PCDHGA2: variants seen among roughly 807,000 people sequenced by gnomAD.
PCDHGA2 encodes protocadherin gamma-A2.
PCDHGA2 carries 40 observed loss-of-function variants against 59.2 expected under a neutral mutation model. The observed-to-expected ratio is 0.68, with a 90% CI of 0.52 to 0.88. PCDHGA2 has a LOEUF of 0.88. Among genes scored for constraint, PCDHGA2 ranks in the 40% least tolerant of loss-of-function variants. PCDHGA2 has a pLI of 0.00. For missense variants in PCDHGA2, 1,226 were observed against 1,204.0 expected (o/e 1.02, Z -0.27); for synonymous variants, 560 against 526.0 (o/e 1.06, Z -0.89).
chr5:141,453,214 A>T (rs1174586625), intron 1 of PCDHGA2, among the ~76,000 whole-genome samples: 2 of 152,058 alleles, frequency 1.3e-5, no homozygotes, highest in African/African-American at 4.8e-5. Flanking sequence ...CGTGCACTTA[A>T]GCGATCCTCC....
At chr5:141,396,656 G>A (rs6580187) in intron 1 of PCDHGA2, 27,943 of 151,880 alleles carry the variant, frequency 0.18, 3,100 homozygotes, top group African/African-American at 0.31. Flanking sequence ...GTAAAAACTC[G>A]GTATAGGCTA....
Position 141,485,418 on chromosome 5 carries a change from G to A in PCDHGA2, c.2425-9389G>A. ...CACTTCCGTGTGGATTTGGACAGCG[G>A]AGCCCTGCTCATCAAGAACCCAATC... On this transcript the variant is annotated intron_variant, in intron 1 of 3. Transcript: ENST00000394576. This position sits in a 1 kb window ranked among gnomAD's most constrained non-coding sequence, Gnocchi z 5.7. 6.2e-7 allele frequency: 1 copy of A among 1,614,174 alleles called. No homozygotes were observed. The highest frequency in any genetic ancestry group is 8.5e-7 in the Non-Finnish European group (1 of 1,180,042).
rs764976894 is a variant in PCDHGA2, at chr5:141,476,238, G to T, written c.2425-18569G>T. On this transcript the variant is annotated intron_variant, in intron 1 of 3. Transcript: ENST00000394576. The surrounding 1 kb of genome is among the most constrained non-coding windows in gnomAD (Gnocchi z 7.6). ...ATTCACTATGAGATCCCGGAGGAAA[G>T]AGAGAAGGGTTTCGCTGTGGGCAAC... is the stretch of plus-strand genomic sequence containing the variant. The T allele has an allele frequency of 3.1e-6, 5 of 1,614,098 alleles. No individual in the cohort carries two copies. The highest frequency in any genetic ancestry group is 4.2e-6 in the Non-Finnish European group (5 of 1,180,012).
rs149920059 is a variant in PCDHGA2 at position 141,409,848 on chromosome 5, G to A, written c.2424+68453G>A. 8,006 of 1,612,024 alleles carry A rather than the reference G, an allele frequency of 5.0e-3. 45 individuals are homozygous for A. The highest frequency in any genetic ancestry group is 9.5e-3 in the Admixed American group (567 of 59,794). On this transcript the variant is annotated intron_variant, in intron 1 of 3. Transcript: ENST00000394576. ...ACGCTCAGCGCCAACGTGAGCCTGC[G>A]CGTGTTGGTGGGAGACCGCAATGAC... is the stretch of plus-strand genomic sequence containing the variant.
At chr5:141,366,593 C>T in intron 1 of PCDHGA2, 1 of 1,614,248 alleles carries the variant, frequency 6.2e-7, no homozygotes, top group Non-Finnish European at 8.5e-7. Flanking sequence ...GACCTATTCC[C>T]ACGAGGTCTC....
At position 141,486,616 on chromosome 5, in the gene PCDHGA2, C is replaced by T. The variant is rs759167270; in HGVS notation, c.2425-8191C>T. On this transcript the variant is annotated intron_variant, in intron 1 of 3. Coordinates refer to ENST00000394576, the MANE Select transcript of PCDHGA2 (RefSeq NM_018915.4). The surrounding 1 kb of genome is among the most constrained non-coding windows in gnomAD (Gnocchi z 5.0). ...TGCTTTGCTCCCTTGCAGCCTCTGA[C>T]CCAGACTCTGGCTTGAATGCGCTTA... is the stretch of plus-strand genomic sequence containing the variant. 2 of 1,613,500 alleles carry T rather than the reference C, an allele frequency of 1.2e-6. No individual in the cohort carries two copies. The highest frequency in any genetic ancestry group is 3.3e-5 in the Admixed American group (2 of 60,004).
intron 1 of PCDHGA2, chr5:141,344,122 A>C (rs1341800745): frequency 6.2e-7 from 1 of 1,613,922 alleles, no homozygotes; most frequent in African/African-American, 1.3e-5. Flanking sequence ...GGATCCGGTC[A>C]GATCCGCTAC....
rs563057370 is a variant in PCDHGA2 at position 141,491,297 on chromosome 5, A to G, written c.2425-3510A>G. 1.2e-6 allele frequency: 2 copies of G among 1,614,106 alleles called. No homozygotes were observed. Among genetic ancestry groups the G allele is most frequent in the African/African-American group, 2.7e-5 (2 of 75,038 alleles). On this transcript the variant is annotated intron_variant, in intron 1 of 3. Transcript: ENST00000394576. This position sits in a 1 kb window ranked among gnomAD's most constrained non-coding sequence, Gnocchi z 6.9. The stretch of plus-strand genomic sequence containing the variant: ...AGTGACTTCCTCATACACCCTCCTG[A>G]GCGTTCAGACCTTACCCTTTACCTC...
Position 141,491,162 on chromosome 5 carries a change from C to T in PCDHGA2, c.2425-3645C>T. 6.2e-7 allele frequency: 1 copy of T among 1,614,112 alleles called. No homozygotes were observed. Among genetic ancestry groups the T allele is most frequent in the Non-Finnish European group, 8.5e-7 (1 of 1,179,952 alleles). On this transcript the variant is annotated intron_variant, in intron 1 of 3. Coordinates refer to ENST00000394576, the MANE Select transcript of PCDHGA2 (RefSeq NM_018915.4). This position sits in a 1 kb window ranked among gnomAD's most constrained non-coding sequence, Gnocchi z 6.9. ...GCCTTACTGGAGGATGACTCTGACA[C>T]CCAGCAGGTGGTGGTCCTGGTGAGG...
At chr5:141,435,055 A>T (rs148331367) in intron 1 of PCDHGA2, among the ~76,000 whole-genome samples, 5 of 152,124 alleles carry the variant, frequency 3.3e-5, no homozygotes, top group Non-Finnish European at 7.4e-5. Flanking sequence ...TTGACCATGC[A>T]GCAGTTTTGT....
At chr5:141,438,268 C>T (rs949472857) in intron 1 of PCDHGA2, among the ~76,000 whole-genome samples, 1 of 152,054 alleles carries the variant, frequency 6.6e-6, no homozygotes. Flanking sequence ...ACCATAGAAT[C>T]AAACAAAATA....
chr5:141,431,325 G>A lies in PCDHGA2; in HGVS notation c.2425-63482G>A. On this transcript the variant is annotated intron_variant, in intron 1 of 3. Transcript: ENST00000394576. The surrounding 1 kb of genome is among the most constrained non-coding windows in gnomAD (Gnocchi z 4.8). ...ATCGTGCAAAATGGAGCCGACGGTA[G>A]TAAGTACCCCGAATTGGTGCTGAAA... is the stretch of plus-strand genomic sequence containing the variant. 6.2e-7 allele frequency: 1 copy of A among 1,614,144 alleles called. No homozygotes were observed. The highest frequency in any genetic ancestry group is 8.5e-7 in the Non-Finnish European group (1 of 1,180,052).
chr5:141,399,330 A>T, intron 1 of PCDHGA2: 1 of 1,613,994 alleles, frequency 6.2e-7, no homozygotes, highest in Non-Finnish European at 8.5e-7. Flanking sequence ...ATAAGTTGGT[A>T]ACAGATGGAA....
At chr5:141,344,890 G>A (rs1757487900) in intron 1 of PCDHGA2, 1 of 1,613,726 alleles carries the variant, frequency 6.2e-7, no homozygotes, top group Non-Finnish European at 8.5e-7. Flanking sequence ...AAAATGCCTG[G>A]GAAAATCGCT....
intron 1 of PCDHGA2, among the ~76,000 whole-genome samples, chr5:141,369,471 A>G (rs1182179165): frequency 6.6e-6 from 1 of 152,168 alleles, no homozygotes; most frequent in African/African-American, 2.4e-5. Context: ...GTTCTAGCCC[A>G]GCCTGGGCAA....
In PCDHGA2 at chr5:141,395,340, G is replaced by C. The variant is rs529007241; in HGVS notation, c.2424+53945G>C. 3 of 1,419,480 alleles carry C rather than the reference G, an allele frequency of 2.1e-6. No individual in the cohort carries two copies. In the African/African-American group the frequency reaches 4.3e-5, roughly 20 times the overall value. The allele number at this position is 1,419,480 out of a possible 1,614,324, so 87.9% of individuals were successfully genotyped here. On this transcript the variant is annotated intron_variant, in intron 1 of 3. Transcript: ENST00000394576. ...GAAGATAGTTGAAAATAATTTTTAA[G>C]GTGTATCACAGAGTTTTGGGTTTAT...
intron 1 of PCDHGA2, among the ~76,000 whole-genome samples, chr5:141,437,886 C>A (rs763669578): frequency 6.6e-6 from 1 of 152,022 alleles, no homozygotes; most frequent in Non-Finnish European, 1.5e-5. Flanking sequence ...TACAGGCACA[C>A]GCCACCACAC....
intron 1 of PCDHGA2, chr5:141,346,536 T>G (rs1216501111): frequency 6.4e-7 from 1 of 1,563,894 alleles, no homozygotes; most frequent in Admixed American, 1.9e-5. Flanking sequence ...CATATGTATT[T>G]GAGAAATAAA....
At chr5:141,403,267 C>A in intron 1 of PCDHGA2, 1 of 1,613,888 alleles carries the variant, frequency 6.2e-7, no homozygotes, top group Non-Finnish European at 8.5e-7. Context: ...GTCTGGTGAA[C>A]TTTAAAGTCC....
Sources: allele counts gnomAD v4.1 joint callset (sites outside exome capture counted in the v4.1 genomes callset), GRCh38; gene constraint gnomAD v4.1.1; non-coding constraint Gnocchi (gnomAD v3.1); transcripts MANE v1.5; gene names NCBI Gene and HGNC (gene_info 2026-07-23, HGNC 2026-07-21).